CLCA1: variants seen among roughly 807,000 people sequenced by gnomAD.
CLCA1 encodes calcium-activated chloride channel regulator 1.
A neutral mutation model predicts 85.6 loss-of-function variants in CLCA1; 59 were observed. The observed-to-expected ratio is 0.69, with a 90% confidence interval of 0.56 to 0.86. CLCA1 has a LOEUF of 0.86. Ranked by LOEUF, CLCA1 falls within the 40% of genes least tolerant of loss-of-function variation. The pLI, the probability that CLCA1 is intolerant of heterozygous loss-of-function variation, is 0.00. For synonymous variants in CLCA1, 396 were observed against 398.3 expected, an observed-to-expected ratio of 0.99 and a Z score of 0.07; for missense variants, 1,022 against 1,101.4, an observed-to-expected ratio of 0.93 and a Z score of 1.02.
chr1:86,478,731 T>C (rs912135080), intron 4 of CLCA1, among the ~76,000 whole-genome samples: 1 of 152,216 alleles, frequency 6.6e-6, no homozygotes, highest in African/African-American at 2.4e-5. Context: ...AATGAGTACA[T>C]ATACAACACA....
At chr1:86,491,226 T>A (rs1446930703) in intron 8 of CLCA1, 39 bp from the exon 9 acceptor site, 10 of 1,491,042 alleles carry the variant, frequency 6.7e-6, no homozygotes, top group Non-Finnish European at 9.3e-6. Flanking sequence ...AATAGTTGCT[T>A]TCTGGAAAAT....
chr1:86,472,019 C>T (rs1312608639), intron 1 of CLCA1, among the ~76,000 whole-genome samples: 1 of 75,018 alleles, frequency 1.3e-5, no homozygotes. Flanking sequence ...TTTTCTTTTA[C>T]ATTTTTGTTT....
Position 86,498,703 on chromosome 1 carries a change from G to C in CLCA1, c.2245G>C (p.Asp749His), listed in dbSNP as rs370661878. Residue 749 changes from aspartate to histidine, a missense_variant, in exon 13 of 14, where the codon GAT becomes CAT. Transcript: ENST00000394711. ...TGATGTCCCAAATGCTCCCATACCTGATCTCTTCCCACCTGGCCAAATCAC... is the reference window on the plus strand; with the variant it reads ...TGATGTCCCAAATGCTCCCATACCTCATCTCTTCCCACCTGGCCAAATCAC... ...ASDVPNAPIPDLFPPGQITDL... is the reference protein window; with the variant it reads ...ASDVPNAPIPHLFPPGQITDL... 561 of 1,614,060 alleles carry C rather than the reference G, an allele frequency of 3.5e-4. 3 individuals are homozygous for C. In the South Asian group the frequency reaches 5.9e-3, roughly 17 times the overall value.
rs529597315 is a variant in CLCA1 at position 86,487,561 on chromosome 1, C to T, written c.1182+808C>T. ...TCTTATACTGTGTTCAAGATCCCTG[C>T]TAGTCCCTGCTGCAGGCCCTGGTCA... On this transcript the variant is annotated intron_variant, in intron 7 of 13. Coordinates refer to ENST00000394711, the MANE Select transcript of CLCA1 (RefSeq NM_001285.4). 3.9e-5 allele frequency among the ~76,000 whole-genome samples: 6 copies of T among 152,268 alleles called. No individual in the cohort carries two copies. The South Asian group carries it at 1.0e-3, about 26-fold the overall frequency.
rs35155356 is a variant in CLCA1 at position 86,468,931 on chromosome 1, C to T, written c.-41C>T. The T allele has an allele frequency of 3.0e-4, 467 of 1,539,930 alleles. No individual in the cohort carries two copies. The highest frequency in any genetic ancestry group is 4.4e-4 in the Admixed American group (23 of 52,190). ...GGTAAAGAAAGACACCTTCGTAACC[C>T]GCATTTTCCAAAGAGAGAAATCACA... is the stretch of plus-strand genomic sequence containing the variant. On this transcript the variant is annotated 5_prime_UTR_variant, in exon 1 of 14. Transcript: ENST00000394711.
At chr1:86,483,951 C>G (rs573161929) in intron 5 of CLCA1, among the ~76,000 whole-genome samples, 5 of 152,050 alleles carry the variant, frequency 3.3e-5, no homozygotes, top group African/African-American at 1.2e-4. Flanking sequence ...TGGTGGAAGG[C>G]GAAGGAGAAG....
rs1224186439 is a variant in CLCA1, at chr1:86,499,900, C to T, written c.2600C>T (p.Pro867Leu). Residue 867 changes from proline to leucine, a missense_variant, in exon 14 of 14, where the codon CCT (proline) becomes CTT (leucine). Transcript: ENST00000394711. ...SNIARVSLFI[P>L]PQTPPETPSP... ...ATTGCACGAGTATCTTTGTTTATTC[C>T]TCCACAGACTCCGCCAGAGACACCT... The T allele has an allele frequency of 1.9e-6, 3 of 1,613,910 alleles. No individual in the cohort carries two copies. Among genetic ancestry groups the T allele is most frequent in the African/African-American group, 1.3e-5 (1 of 74,892 alleles).
intron 8 of CLCA1, among the ~76,000 whole-genome samples, chr1:86,489,442 C>T (rs967912565): frequency 1.3e-5 from 2 of 152,212 alleles, no homozygotes; most frequent in Non-Finnish European, 2.9e-5. Context: ...AGGAACCACT[C>T]CTTTCCAGTG....
chr1:86,495,445 T>A, intron 11 of CLCA1, 60 bp from the exon 12 acceptor site: 1 of 1,375,304 alleles, frequency 7.3e-7, no homozygotes, highest in African/African-American at 1.4e-5. Context: ...ACATATGAGT[T>A]GGAAATATAC....
intron 1 of CLCA1, among the ~76,000 whole-genome samples, chr1:86,471,548 C>T (rs1276090994): frequency 6.6e-6 from 1 of 152,090 alleles, no homozygotes; most frequent in Non-Finnish European, 1.5e-5. Context: ...ACTTATTCTT[C>T]CTGGGAGACA....
Position 86,498,679 on chromosome 1 carries a change from G to A in CLCA1, c.2221G>A (p.Asp741Asn). 6.2e-7 allele frequency: 1 copy of A among 1,614,050 alleles called. No individual in the cohort carries two copies. Among genetic ancestry groups the A allele is most frequent in the Non-Finnish European group, 8.5e-7 (1 of 1,180,028 alleles). The part of the protein sequence containing the change: ...TSSGGSFVAS[D>N]VPNAPIPDLF... Reference sequence around the variant, plus strand: ...CTCGGGAGGCTCATTTGTGGCTTCTGATGTCCCAAATGCTCCCATACCTGA... The same window carrying A: ...CTCGGGAGGCTCATTTGTGGCTTCTAATGTCCCAAATGCTCCCATACCTGA... The change falls in exon 13 of 14, where the codon GAT becomes AAT. Residue 741 changes from aspartate (D) to asparagine (N), a missense_variant. By Grantham distance (23) the Asp-to-Asn change is conservative. Coordinates refer to ENST00000394711, the MANE Select transcript of CLCA1 (RefSeq NM_001285.4).
At chr1:86,480,962 T>A (rs1183104956) in intron 4 of CLCA1, among the ~76,000 whole-genome samples, 2 of 152,170 alleles carry the variant, frequency 1.3e-5, no homozygotes, top group Non-Finnish European at 2.9e-5. Context: ...ACTCAGGGAA[T>A]CAATCACAGG....
intron 1 of CLCA1, among the ~76,000 whole-genome samples, chr1:86,471,654 T>C (rs1328137100): frequency 2.0e-5 from 3 of 152,218 alleles, no homozygotes; most frequent in African/African-American, 7.2e-5. Context: ...TCTTGGCTCA[T>C]TTTTTAATTT....
At chr1:86,490,277 A>G (rs1343927420) in intron 8 of CLCA1, among the ~76,000 whole-genome samples, 2 of 152,184 alleles carry the variant, frequency 1.3e-5, no homozygotes, top group Non-Finnish European at 2.9e-5. Context: ...CTGGGAAGAG[A>G]TGCACTTGGC....
rs142246670 is a variant in CLCA1 at position 86,496,635 on chromosome 1, T to C, written c.2113+960T>C. On this transcript the variant is annotated intron_variant, in intron 12 of 13. Transcript: ENST00000394711. ...AGCTCCTTTGAGAACCTTCCCACTG[T>C]CATCTTTACTTGGGTGTGTGCTTAG... Among the ~76,000 whole-genome samples, 193 of 152,310 alleles carry C rather than the reference T, an allele frequency of 1.3e-3. 3 individuals carry two copies. The East Asian group carries it at 0.028, about 22-fold the overall frequency.
At chr1:86,474,382 G>A (rs549984921) in intron 3 of CLCA1, among the ~76,000 whole-genome samples, 13 of 152,194 alleles carry the variant, frequency 8.5e-5, no homozygotes, top group African/African-American at 3.1e-4. Flanking sequence ...GTGAAACCCC[G>A]TCTCTACTAA....
chr1:86,482,557 A>C (rs999509737), intron 5 of CLCA1, among the ~76,000 whole-genome samples, 175 bp downstream of exon 5: 2 of 151,808 alleles, frequency 1.3e-5, no homozygotes, highest in African/African-American at 2.4e-5. Context: ...CCTTCCCCTT[A>C]CCCTCCTCGT....
chr1:86,492,905 G>A (rs865852168), intron 9 of CLCA1, among the ~76,000 whole-genome samples: 9 of 152,208 alleles, frequency 5.9e-5, no homozygotes, highest in Admixed American at 1.3e-4. Flanking sequence ...ACAATATGAT[G>A]AATGTCGAAG....
chr1:86,489,273 A>G (rs1485513955), intron 8 of CLCA1, 103 bp downstream of exon 8: 1 of 1,142,456 alleles, frequency 8.8e-7, no homozygotes, highest in Non-Finnish European at 1.2e-6. Context: ...GAGAGATAGG[A>G]TAACCTAATT....
Sources: allele counts gnomAD v4.1 joint callset (sites outside exome capture counted in the v4.1 genomes callset), GRCh38; gene constraint gnomAD v4.1.1; transcripts MANE v1.5; gene names NCBI Gene and HGNC (gene_info 2026-07-23, HGNC 2026-07-21).